The following STRADA variants were observed in gnomAD, a reference collection of about 807,000 sequenced individuals.
The protein encoded by STRADA is STE20 related adaptor alpha.
Under a neutral mutation model 55.0 loss-of-function variants are expected in STRADA, and 26 were observed. The observed-to-expected ratio is 0.47, with a 90% CI of 0.35 to 0.66. STRADA has a LOEUF of 0.66. Ranked by LOEUF, STRADA falls within the 30% of genes least tolerant of loss-of-function variation. The pLI, the probability that STRADA is intolerant of heterozygous loss-of-function variation, is 0.01. For synonymous variants in STRADA, 197 were observed against 210.9 expected, an observed-to-expected ratio of 0.93 and a Z score of 0.57; for missense variants, 443 against 549.7, an observed-to-expected ratio of 0.81 and a Z score of 1.94.
intron 8 of STRADA, among the ~76,000 whole-genome samples, chr17:63,709,778 C>T (rs1397294335): frequency 6.6e-6 from 1 of 152,162 alleles, no homozygotes; most frequent in Non-Finnish European, 1.5e-5. Context: ...ACCATTTTCC[C>T]TACTATGAGC....
chr17:63,734,850 G>A (rs2038302508), intron 1 of STRADA, among the ~76,000 whole-genome samples: 1 of 151,676 alleles, frequency 6.6e-6, no homozygotes, highest in Non-Finnish European at 1.5e-5. Context: ...ATTAGGAAAG[G>A]TTAACATCTA....
intron 4 of STRADA, among the ~76,000 whole-genome samples, chr17:63,722,648 G>C (rs2037390163): frequency 6.6e-6 from 1 of 152,226 alleles, no homozygotes; most frequent in African/African-American, 2.4e-5. Flanking sequence ...AGAGTCAGAA[G>C]TCTAGGTAGG....
chr17:63,732,666 G>A (rs2038151475), intron 1 of STRADA, among the ~76,000 whole-genome samples: 1 of 152,216 alleles, frequency 6.6e-6, no homozygotes, highest in Middle Eastern at 3.4e-3. Flanking sequence ...ATGGTGGCAT[G>A]TGCCTGTAGT....
At chr17:63,735,204 G>C (rs1256201494) in intron 1 of STRADA, among the ~76,000 whole-genome samples, 1 of 152,132 alleles carries the variant, frequency 6.6e-6, no homozygotes, top group Non-Finnish European at 1.5e-5. Context: ...TATACAAATC[G>C]TAAGAATAAT....
At position 63,711,898 on chromosome 17, in the gene STRADA, G is replaced by A. The variant is rs367709165; in HGVS notation, c.349-1062C>T. On this transcript the variant is annotated intron_variant, in intron 6 of 12. Transcript: ENST00000336174. The stretch of plus-strand genomic sequence containing the variant: ...TGTGGTGAGCTGTGATTGCACCACC[G>A]CACTCCAGCCTGAGCAACAGAGCCA... Among the ~76,000 whole-genome samples the A allele has an allele frequency of 2.7e-4, 41 of 152,014 alleles. No homozygotes were observed. In the East Asian group the frequency reaches 6.4e-3, roughly 24 times the overall value.
chr17:63,737,561 G>A (rs2038543150), intron 1 of STRADA: 2 of 152,026 alleles, frequency 1.3e-5, no homozygotes, highest in Non-Finnish European at 2.9e-5. Context: ...GGAAGAGATA[G>A]AGGAATGACT....
intron 8 of STRADA, 98 bp from the exon 9 acceptor site, chr17:63,707,516 T>A (rs2036182153): frequency 8.5e-7 from 1 of 1,173,588 alleles, no homozygotes; most frequent in Admixed American, 1.9e-5. Flanking sequence ...CTCTCCTGTG[T>A]GCGTGTGTTA....
At chr17:63,713,553 G>C (rs778939416) in intron 5 of STRADA, 26 bp from the exon 6 acceptor site, 10 of 1,607,750 alleles carry the variant, frequency 6.2e-6, no homozygotes, top group African/African-American at 2.7e-5. Context: ...AATGCCATAC[G>C]CAAGGACAAG....
chr17:63,710,163 C>CCAGTAGCTGGGACTGGGA (rs2143841386), intron 8 of STRADA, among the ~76,000 whole-genome samples: 1 of 151,678 alleles, frequency 6.6e-6, no homozygotes, highest in Admixed American at 6.6e-5. Context: ...GCTTGTAGTC[C>CCAGTAGCTGGGACTGGGA]CAGCTACTGG....
chr17:63,732,854 C>T (rs73324229), intron 1 of STRADA, among the ~76,000 whole-genome samples: 2,580 of 152,212 alleles, frequency 0.017, 72 homozygotes, highest in African/African-American at 0.058. Flanking sequence ...AGTGGTGAGA[C>T]TAACAGTATG....
intron 1 of STRADA, among the ~76,000 whole-genome samples, chr17:63,740,147 T>TACATATATACACACACACAC (rs2038822119): frequency 1.5e-5 from 1 of 67,010 alleles, no homozygotes; most frequent in African/African-American, 6.9e-5. Context: ...TATATATATA[T>TACATATATACACACACACAC]ACACACACAC....
chr17:63,704,404 CGGTGGTAGGGGT>C lies in STRADA; in HGVS notation c.1025_1036del (p.His342_His345del), dbSNP rs1368694251. 6.3e-7 allele frequency: 1 copy of C among 1,590,426 alleles called. No homozygotes were observed. Among genetic ancestry groups the C allele is most frequent in the Non-Finnish European group, 8.6e-7 (1 of 1,168,084 alleles). The stretch of plus-strand genomic sequence containing the variant: ...GTGGTGGAAGTGGGGGGAGAAGGTT[CGGTGGTAGGGGT>C]GGGAGGGCGAGTCACCGTTGGAGGG... On this transcript the variant is annotated inframe_deletion, in exon 11 of 13. Coordinates refer to ENST00000336174, the MANE Select transcript of STRADA (RefSeq NM_001003787.4).
chr17:63,731,887 CAG>C (rs1391966116), intron 1 of STRADA, among the ~76,000 whole-genome samples: 1 of 152,050 alleles, frequency 6.6e-6, no homozygotes, highest in Non-Finnish European at 1.5e-5. Context: ...TTTTATGAGA[CAG>C]GGTTTCATTC....
chr17:63,703,246 G>A lies in STRADA; in HGVS notation c.*353C>T. 4.7e-6 allele frequency: 1 copy of A among 211,646 alleles called. No homozygotes were observed. Among genetic ancestry groups the A allele is most frequent in the Non-Finnish European group, 9.6e-6 (1 of 104,028 alleles). 13.1% of individuals were successfully genotyped at this position (211,646 alleles called of 1,614,324 possible). On this transcript the variant is annotated 3_prime_UTR_variant, in exon 13 of 13. Transcript: ENST00000336174. ...GGCTGGTCGCAAGCACTGGGAAGAG[G>A]TGGCGGTCCTCGGGTTTAAGGAGCC... is the stretch of plus-strand genomic sequence containing the variant.
At chr17:63,730,412 T>C (rs532257667) in intron 1 of STRADA, among the ~76,000 whole-genome samples, 4 of 151,970 alleles carry the variant, frequency 2.6e-5, no homozygotes, top group South Asian at 4.1e-4. Context: ...TTTTTTTTTT[T>C]TGAGGCGGGG....
At chr17:63,726,036 GC>G (rs2037637597) in intron 3 of STRADA, 1 of 152,140 alleles carries the variant, frequency 6.6e-6, no homozygotes, top group Non-Finnish European at 1.5e-5. Context: ...AAAGAATGGG[GC>G]TCTACTATTA....
At chr17:63,722,120 T>C (rs1279520837) in intron 4 of STRADA, among the ~76,000 whole-genome samples, 1 of 152,250 alleles carries the variant, frequency 6.6e-6, no homozygotes, top group Non-Finnish European at 1.5e-5. Context: ...ATTAGTGCAA[T>C]GTAATAATCT....
chr17:63,703,567 C>A lies in STRADA; in HGVS notation c.*32G>T, dbSNP rs202108046. 22 of 1,596,882 alleles carry A rather than the reference C, an allele frequency of 1.4e-5. No individual in the cohort carries two copies. The Admixed American group carries it at 2.1e-4, about 15-fold the overall frequency. On this transcript the variant is annotated 3_prime_UTR_variant, in exon 13 of 13. Coordinates refer to ENST00000336174, the MANE Select transcript of STRADA (RefSeq NM_001003787.4). ...GGGCCTCTGGGTGGCCTCTGCATCC[C>A]TGGCTGGAGAATGCGCACAGTTTGC...
At position 63,706,748 on chromosome 17, in the gene STRADA, G is replaced by GA. The variant is rs763317382; in HGVS notation, c.754-10dup. 3.3e-5 allele frequency: 53 copies of GA among 1,599,310 alleles called. No homozygotes were observed. Among genetic ancestry groups the GA allele is most frequent in the South Asian group, 1.0e-4 (9 of 89,660 alleles). On this transcript the variant is annotated splice_polypyrimidine_tract_variant and intron_variant, in intron 9 of 12. Transcript: ENST00000336174. ...TCATAACCCTGGAGATTCTAAGCCAGAAAAAAAAGGCCACAGATTACCCCA... is the reference window on the plus strand; with the variant it reads ...TCATAACCCTGGAGATTCTAAGCCAGAAAAAAAAAGGCCACAGATTACCCCA...
Sources: allele counts gnomAD v4.1 joint callset (sites outside exome capture counted in the v4.1 genomes callset), GRCh38; gene constraint gnomAD v4.1.1; transcripts MANE v1.5; gene names NCBI Gene and HGNC (gene_info 2026-07-23, HGNC 2026-07-21).